The following ASTN2 variants were observed in gnomAD, a reference collection of about 807,000 sequenced individuals.
ASTN2 encodes the protein astrotactin 2.
In ASTN2, 54 loss-of-function variants were observed where a neutral mutation model predicts 139.8. The ratio of observed to expected loss-of-function variants is 0.39; its 90% CI spans 0.31 to 0.48. The LOEUF is 0.48. Among genes scored for constraint, ASTN2 ranks in the 20% least tolerant of loss-of-function variants. ASTN2 has a pLI of 0.95. For missense variants in ASTN2, 1,565 were observed against 1,725.1 expected, an observed-to-expected ratio of 0.91 and a Z score of 1.64; for synonymous variants, 756 against 719.5, an observed-to-expected ratio of 1.05 and a Z score of -0.81.
intron 13 of ASTN2, among the ~76,000 whole-genome samples, chr9:116,763,382 TG>T (rs1163197175): frequency 6.6e-6 from 1 of 152,198 alleles, no homozygotes; most frequent in East Asian, 1.9e-4. Flanking sequence ...AGTATCACTC[TG>T]CCCCCTGAAT....
chr9:116,930,394 G>A (rs2132450102), intron 10 of ASTN2, among the ~76,000 whole-genome samples: 1 of 152,216 alleles, frequency 6.6e-6, no homozygotes, highest in South Asian at 2.1e-4. Context: ...ATGTAACCAG[G>A]GTTATGCTGG....
rs191727741 is a variant in ASTN2, at chr9:116,787,980, T to G, written c.2396+17652A>C. Among the ~76,000 whole-genome samples the G allele has an allele frequency of 2.6e-5, 4 of 152,318 alleles. No homozygotes were observed. The East Asian group carries it at 7.7e-4, about 29-fold the overall frequency. ...TATCTTTGTGGTTTATCTATAAATC[T>G]AAAACTGTTTAAAATAAAAAAATAT... is the stretch of plus-strand genomic sequence containing the variant. On this transcript the variant is annotated intron_variant, in intron 13 of 22. Transcript: ENST00000313400.
chr9:116,561,048 G>T (rs1254942811), intron 19 of ASTN2, among the ~76,000 whole-genome samples: 1 of 152,182 alleles, frequency 6.6e-6, no homozygotes, highest in African/African-American at 2.4e-5. Context: ...AGCTGAGAGA[G>T]GGTGTAGGGA....
At chr9:116,936,551 C>T (rs1835089543) in intron 10 of ASTN2, among the ~76,000 whole-genome samples, 1 of 152,190 alleles carries the variant, frequency 6.6e-6, no homozygotes, top group Non-Finnish European at 1.5e-5. Context: ...TCACCAAACC[C>T]ATGCTCTTGG....
intron 11 of ASTN2, among the ~76,000 whole-genome samples, chr9:116,822,599 C>T (rs1401502139): frequency 3.3e-5 from 5 of 152,166 alleles, no homozygotes; most frequent in Non-Finnish European, 5.9e-5. Context: ...TAACAGGAGA[C>T]ACCTGGGCAG....
chr9:116,825,012 G>A (rs1160657861), intron 11 of ASTN2, among the ~76,000 whole-genome samples: 1 of 152,192 alleles, frequency 6.6e-6, no homozygotes, highest in Non-Finnish European at 1.5e-5. Context: ...GTTCCTACAG[G>A]AAGAGAAAAG....
chr9:117,410,549 A>C (rs773139351), intron 1 of ASTN2, among the ~76,000 whole-genome samples: 3 of 152,248 alleles, frequency 2.0e-5, no homozygotes, highest in Non-Finnish European at 4.4e-5. Context: ...AGCAGAAAGA[A>C]TTGAAGCTCT....
chr9:117,132,618 A>C (rs1050281534), intron 4 of ASTN2, among the ~76,000 whole-genome samples: 5 of 152,144 alleles, frequency 3.3e-5, no homozygotes, highest in Non-Finnish European at 5.9e-5. Flanking sequence ...ACTTCTCTGA[A>C]AGACACATCA....
intron 6 of ASTN2, among the ~76,000 whole-genome samples, chr9:117,017,637 T>C (rs1837753123): frequency 6.6e-6 from 1 of 152,186 alleles, no homozygotes; most frequent in Non-Finnish European, 1.5e-5. Context: ...TTAAATAAGA[T>C]TCATTTGGAT....
Position 117,376,493 on chromosome 9 carries a change from G to A in ASTN2, c.442+38004C>T, listed in dbSNP as rs111602280. 8.0e-3 allele frequency among the ~76,000 whole-genome samples: 1,214 copies of A among 152,292 alleles called. 20 individuals are homozygous for A. Among genetic ancestry groups the A allele is most frequent in the African/African-American group, 0.028 (1,147 of 41,548 alleles). ...TCTGGGTTGATGGGAGTAGTTGTAG[G>A]TGATCTGCCACTTTGCATTTTAGGA... On this transcript the variant is annotated intron_variant, in intron 1 of 22. Transcript: ENST00000313400.
At chr9:117,354,582 T>C (rs1829484159) in intron 1 of ASTN2, among the ~76,000 whole-genome samples, 1 of 152,208 alleles carries the variant, frequency 6.6e-6, no homozygotes, top group Non-Finnish European at 1.5e-5. Context: ...ATTGTTTTGT[T>C]ACTGATCTGT....
intron 3 of ASTN2, among the ~76,000 whole-genome samples, chr9:117,206,074 G>A (rs1388194842): frequency 6.6e-6 from 1 of 152,184 alleles, no homozygotes; most frequent in Non-Finnish European, 1.5e-5. Context: ...TGCATGATAA[G>A]AGACACCTGG....
intron 10 of ASTN2, among the ~76,000 whole-genome samples, chr9:116,923,865 T>C (rs554889534): frequency 1.3e-5 from 2 of 152,276 alleles, no homozygotes; most frequent in South Asian, 2.1e-4. Flanking sequence ...CACTTCAGTG[T>C]TGAACAGGTC....
chr9:116,859,283 A>G (rs368402809), intron 11 of ASTN2, among the ~76,000 whole-genome samples: 7 of 152,234 alleles, frequency 4.6e-5, no homozygotes, highest in East Asian at 1.9e-4. Context: ...GGATGTGGAC[A>G]TCTTTGCAGG....
chr9:116,664,608 A>G (rs1212635693), intron 16 of ASTN2, among the ~76,000 whole-genome samples: 1 of 151,700 alleles, frequency 6.6e-6, no homozygotes, highest in East Asian at 1.9e-4. Flanking sequence ...GCACCACACA[A>G]AAGTTTTACA....
At chr9:116,468,607 C>T (rs969456608) in intron 20 of ASTN2, among the ~76,000 whole-genome samples, 4 of 152,304 alleles carry the variant, frequency 2.6e-5, no homozygotes, top group Admixed American at 6.5e-5. Flanking sequence ...GGAACAGCTT[C>T]CCAAATTACT....
intron 1 of ASTN2, among the ~76,000 whole-genome samples, chr9:117,316,740 G>A (rs1229939263): frequency 6.6e-6 from 1 of 152,174 alleles, no homozygotes; most frequent in East Asian, 1.9e-4. Context: ...TTCCATATGG[G>A]CCTCATAGGG....
chr9:116,923,905 C>T (rs1834681362), intron 10 of ASTN2, among the ~76,000 whole-genome samples: 2 of 152,122 alleles, frequency 1.3e-5, no homozygotes, highest in Admixed American at 1.3e-4. Flanking sequence ...GCTGATGGTG[C>T]CTAGATCTGT....
chr9:117,136,812 G>C (rs901785277), intron 4 of ASTN2, among the ~76,000 whole-genome samples: 1 of 152,146 alleles, frequency 6.6e-6, no homozygotes. Context: ...AGGGTTGAAC[G>C]TGGGACAGGC....
Sources: gnomAD v4.1 joint callset for allele counts (sites outside exome capture counted in the v4.1 genomes callset) on GRCh38, gnomAD v4.1.1 for gene constraint, MANE v1.5 for transcripts, NCBI Gene and HGNC (gene_info 2026-07-23, HGNC 2026-07-21) for gene names.